The following MAPT variants were observed in gnomAD, a reference collection of about 807,000 sequenced individuals.
The protein encoded by MAPT is microtubule associated protein tau, also known as microtubule-associated protein tau.
A neutral mutation model predicts 67.9 loss-of-function variants in MAPT; 34 were observed. That is an observed-to-expected ratio of 0.50 (90% CI 0.38 to 0.67). The LOEUF (loss-of-function observed/expected upper bound fraction) is 0.67. Among genes scored for constraint, MAPT ranks in the 30% least tolerant of loss-of-function variants. The probability of loss-of-function intolerance (pLI) is 0.00; values close to 1 mark genes in which losing one functional copy is unlikely to be tolerated. For synonymous variants in MAPT, 456 were observed against 464.5 expected (o/e 0.98, Z 0.23); for missense variants, 881 against 1,115.2 (o/e 0.79, Z 2.99).
At chr17:45,982,028 AAAAAAG>A (rs1414949653) in intron 4 of MAPT, among the ~76,000 whole-genome samples, 2 of 151,014 alleles carry the variant, frequency 1.3e-5, no homozygotes, top group Non-Finnish European at 1.5e-5. Context: ...CAAAAAAAAA[AAAAAAG>A]AAAGAAAGAA....
chr17:45,936,000 C>T (rs1164910662), intron 1 of MAPT, among the ~76,000 whole-genome samples: 1 of 152,186 alleles, frequency 6.6e-6, no homozygotes, highest in African/African-American at 2.4e-5. Context: ...TCTTTGTCTC[C>T]ACTCCCAAAC....
At chr17:45,946,615 A>AAAATATATATATAT in intron 1 of MAPT, among the ~76,000 whole-genome samples, 4 of 100,406 alleles carry the variant, frequency 4.0e-5, no homozygotes, top group African/African-American at 1.7e-4. Flanking sequence ...AAAAAAAAAA[A>AAAATATATATATAT]ATATATATAT....
chr17:45,911,501 C>T (rs62056836), intron 1 of MAPT, among the ~76,000 whole-genome samples: 2 of 152,078 alleles, frequency 1.3e-5, no homozygotes, highest in African/African-American at 4.8e-5. Flanking sequence ...TGGCTCACGC[C>T]TGGAATCCCA....
chr17:45,966,003 C>T (rs1231423063), intron 2 of MAPT, among the ~76,000 whole-genome samples: 1 of 152,216 alleles, frequency 6.6e-6, no homozygotes, highest in Non-Finnish European at 1.5e-5. Context: ...GTCACTCTTT[C>T]CACCAAGCTC....
intron 3 of MAPT, chr17:45,977,828 C>G (rs1200074891): frequency 6.4e-6 from 1 of 157,224 alleles, no homozygotes; most frequent in African/African-American, 2.4e-5. Context: ...CGTGTTCACA[C>G]AAATTCTCTT....
At chr17:46,005,957 C>T (rs17652337) in intron 9 of MAPT, among the ~76,000 whole-genome samples, 21,661 of 152,206 alleles carry the variant, frequency 0.14, 2,145 homozygotes, top group Non-Finnish European at 0.22. Context: ...GAGAAAGTTG[C>T]GGAACCTCAG....
intron 2 of MAPT, among the ~76,000 whole-genome samples, chr17:45,965,681 G>A (rs112194811): frequency 2.4e-3 from 367 of 151,816 alleles, no homozygotes; most frequent in African/African-American, 8.6e-3. Flanking sequence ...CTCCCAAAGT[G>A]CTGGGATTGC....
At position 45,996,512 on chromosome 17, in the gene MAPT, A is replaced by T; in HGVS notation, c.1846A>T (p.Lys616Ter). 1 of 1,590,830 alleles carries T rather than the reference A, an allele frequency of 6.3e-7. No homozygotes were observed. The highest frequency in any genetic ancestry group is 8.6e-7 in the Non-Finnish European group (1 of 1,168,754). The part of the protein sequence containing the change: ...SLPTPPTREP[K>*]KVAVVRTPPK... ...TCCAACCCCACCCACCCGGGAGCCC[A>T]AGAAGGTGGCAGTGGTCCGTACTCC... is the stretch of plus-strand genomic sequence containing the variant. Residue 616 changes from lysine (K) to a stop codon, truncating the protein, a stop_gained, in exon 9 of 13, where the codon AAG (lysine) becomes TAG (stop). Coordinates refer to ENST00000262410, the MANE Select transcript of MAPT (RefSeq NM_001377265.1). LOFTEE classifies it high-confidence loss of function. The surrounding 1 kb of genome is among the most constrained non-coding windows in gnomAD (Gnocchi z 4.5).
At chr17:45,968,886 A>G (rs1354685543) in intron 2 of MAPT, among the ~76,000 whole-genome samples, 1 of 152,184 alleles carries the variant, frequency 6.6e-6, no homozygotes, top group Admixed American at 6.5e-5. Context: ...GCATTCAACA[A>G]TTTCATGCTG....
rs1555690501 is a variant in MAPT, at chr17:45,941,717, T to TG, written c.-17-20604_-17-20603insG. On this transcript the variant is annotated intron_variant, in intron 1 of 12. Transcript: ENST00000262410. ...TTCCTTCCTGCCTGCCTTCCTTCCT[T>TG]CCTTCCTTCCTTCCTTCCTTCCTTC... 1.1e-3 allele frequency among the ~76,000 whole-genome samples: 97 copies of TG among 88,416 alleles called. 1 individual carries two copies. The highest frequency in any genetic ancestry group is 1.8e-3 in the Non-Finnish European group (83 of 45,998). The allele number at this position is 88,416 out of a possible 152,430, so 58.0% of individuals were successfully genotyped here.
At chr17:46,000,477 A>G (rs2074905315) in intron 9 of MAPT, among the ~76,000 whole-genome samples, 1 of 152,146 alleles carries the variant, frequency 6.6e-6, no homozygotes, top group Admixed American at 6.5e-5. Context: ...CCAGGCAGGA[A>G]GAGCCCGTAG....
chr17:45,911,785 A>C (rs113714855), intron 1 of MAPT, among the ~76,000 whole-genome samples: 48 of 152,194 alleles, frequency 3.2e-4, no homozygotes, highest in African/African-American at 8.9e-4. Flanking sequence ...CAAACAACAA[A>C]AAAAAAGGCT....
intron 1 of MAPT, among the ~76,000 whole-genome samples, chr17:45,939,453 G>GT (rs1414241168): frequency 6.6e-6 from 1 of 151,930 alleles, no homozygotes; most frequent in African/African-American, 2.4e-5. Flanking sequence ...TTTGTTTTTT[G>GT]TTTTTTTGCC....
At chr17:45,972,079 G>A (rs764846510) in intron 3 of MAPT, 134 bp downstream of exon 3, 1 of 740,364 alleles carries the variant, frequency 1.4e-6, no homozygotes, top group South Asian at 1.5e-5. Context: ...TTGCAGGACA[G>A]CGTGGTGGGA....
At chr17:45,990,188 T>C (rs2073949742) in intron 7 of MAPT, 113 bp downstream of exon 7, 1 of 946,530 alleles carries the variant, frequency 1.1e-6, no homozygotes, top group African/African-American at 1.6e-5. Context: ...AGTTCTGGCA[T>C]AGAAGCACCG....
Position 45,971,007 on chromosome 17 carries a change from G to A in MAPT, c.134-852G>A, listed in dbSNP as rs2071609430. Among the ~76,000 whole-genome samples, 1 of 152,162 alleles carries A rather than the reference G, an allele frequency of 6.6e-6. No individual in the cohort carries two copies. Among genetic ancestry groups the A allele is most frequent in the Non-Finnish European group, 1.5e-5 (1 of 68,034 alleles). On this transcript the variant is annotated intron_variant, in intron 2 of 12. Coordinates refer to ENST00000262410, the MANE Select transcript of MAPT (RefSeq NM_001377265.1). The surrounding 1 kb of genome is among the most constrained non-coding windows in gnomAD (Gnocchi z 4.3). ...AATTCTCAACCTTCCAGAGTGTAAG[G>A]CCTTGACCTGCTCAGCCCTGGATAC...
intron 12 of MAPT, among the ~76,000 whole-genome samples, chr17:46,022,205 A>G (rs959317561): frequency 1.1e-4 from 16 of 151,952 alleles, no homozygotes; most frequent in African/African-American, 3.9e-4. Context: ...AAATACAAAA[A>G]TTAGCTGGGT....
intron 1 of MAPT, among the ~76,000 whole-genome samples, chr17:45,935,334 A>G (rs528146819): frequency 3.7e-4 from 57 of 152,012 alleles, no homozygotes; most frequent in African/African-American, 1.3e-3. Context: ...ACCTTTCCTA[A>G]TGCAGTCCTG....
chr17:45,984,468 G>A (rs2073340556), intron 5 of MAPT, among the ~76,000 whole-genome samples: 1 of 152,222 alleles, frequency 6.6e-6, no homozygotes, highest in African/African-American at 2.4e-5. Flanking sequence ...ATCCCACAAC[G>A]CCTCCCAGGA....
Sources: gnomAD v4.1 joint callset for allele counts (sites outside exome capture counted in the v4.1 genomes callset) on GRCh38, gnomAD v4.1.1 for gene constraint, Gnocchi (gnomAD v3.1) non-coding constraint, MANE v1.5 for transcripts, NCBI Gene and HGNC (gene_info 2026-07-23, HGNC 2026-07-21) for gene names.